DYNC2H1: variants seen among roughly 807,000 people sequenced by gnomAD.
DYNC2H1 encodes the protein dynein cytoplasmic 2 heavy chain 1.
DYNC2H1 carries 410 observed loss-of-function variants against 570.0 expected under a neutral mutation model. The ratio of observed to expected loss-of-function variants is 0.72; its 90% CI spans 0.66 to 0.78. The LOEUF (loss-of-function observed/expected upper bound fraction) is 0.78, where lower values mean the gene tolerates loss of function less well. DYNC2H1 is among the 30% of genes least tolerant of loss of function. DYNC2H1 has a pLI of 0.00. For synonymous variants in DYNC2H1, 1,688 were observed against 1,677.6 expected (o/e 1.01, Z -0.15); for missense variants, 4,865 against 5,046.4 (o/e 0.96, Z 1.09).
chr11:103,176,323 G>A lies in DYNC2H1; in HGVS notation c.5763G>A (p.Leu1921=). ...CTGATTGCACCCGGTTTGATGCACT[G>A]ATAAAAGATGTCTTTCCGGGAATTG... The part of the protein sequence containing the change: ...TFTDCTRFDA[L]IKDVFPGIEL... The change falls in exon 37 of 89, where the codon CTG becomes CTA. Residue 1921 remains leucine (L), a synonymous_variant. Transcript: ENST00000375735. 6.4e-7 allele frequency: 1 copy of A among 1,570,212 alleles called. No individual in the cohort carries two copies. Among genetic ancestry groups the A allele is most frequent in the South Asian group, 1.2e-5 (1 of 84,356 alleles).
rs1181409633 is a variant in DYNC2H1, at chr11:103,257,626, C to A, written c.10480C>A (p.Pro3494Thr). Residue 3494 changes from proline (P) to threonine (T), a missense_variant, in exon 69 of 89, where the codon CCC (proline) becomes ACC (threonine). This residue lies in a region of DYNC2H1 where 2,401 missense variants were observed against 2,454.6 expected (regional missense o/e 0.98). Coordinates refer to ENST00000375735, the MANE Select transcript of DYNC2H1 (RefSeq NM_001377.3). ...SLDQERDAYL[P>T]LAESASKMYF... ...TCCATAGGAACGGGATGCCTATCTC[C>A]CCCTGGCTGAGAGTGCCAGCAAGAT... The A allele has an allele frequency of 6.2e-7, 1 of 1,611,720 alleles. No homozygotes were observed.
intron 84 of DYNC2H1, chr11:103,402,794 C>G (rs1326685112): frequency 6.6e-6 from 1 of 152,076 alleles, no homozygotes; most frequent in Non-Finnish European, 1.5e-5. Flanking sequence ...GTTAATCACT[C>G]AACTAGTGCT....
At chr11:103,221,508 C>A (rs1218394082) in intron 57 of DYNC2H1, among the ~76,000 whole-genome samples, 1 of 152,154 alleles carries the variant, frequency 6.6e-6, no homozygotes, top group African/African-American at 2.4e-5. Context: ...CATATCATTT[C>A]TTGTTCTAGT....
At chr11:103,457,639 A>C (rs1225425912) in intron 87 of DYNC2H1, among the ~76,000 whole-genome samples, 1 of 152,206 alleles carries the variant, frequency 6.6e-6, no homozygotes, top group Non-Finnish European at 1.5e-5. Flanking sequence ...AAACATAAAC[A>C]CATTGTACAG....
rs777449199 is a variant in DYNC2H1, at chr11:103,479,273, C to G, written c.*20C>G. ...CAGTAGAATCTAATGACAACAAAAGCCATCTTCACAAAAGGGAACATTGAT... is the reference window on the plus strand; with the variant it reads ...CAGTAGAATCTAATGACAACAAAAGGCATCTTCACAAAAGGGAACATTGAT... On this transcript the variant is annotated 3_prime_UTR_variant, in exon 89 of 89. Transcript: ENST00000375735. 1 of 1,599,112 alleles carries G rather than the reference C, an allele frequency of 6.3e-7. No individual in the cohort carries two copies. The highest frequency in any genetic ancestry group is 1.3e-5 in the African/African-American group (1 of 74,616).
At position 103,244,086 on chromosome 11, in the gene DYNC2H1, T is replaced by G. The variant is rs1278941374; in HGVS notation, c.9918+295T>G. ...ATTAAAGAAGCTTTGCACTACGTTA[T>G]GACTAATGACACAAGTATAAGCTGC... is the stretch of plus-strand genomic sequence containing the variant. On this transcript the variant is annotated intron_variant, in intron 64 of 88. Transcript: ENST00000375735. The surrounding 1 kb of genome is among the most constrained non-coding windows in gnomAD (Gnocchi z 4.3). Among the ~76,000 whole-genome samples the G allele has an allele frequency of 6.6e-6, 1 of 152,160 alleles. No individual in the cohort carries two copies. Among genetic ancestry groups the G allele is most frequent in the Non-Finnish European group, 1.5e-5 (1 of 67,992 alleles).
chr11:103,324,044 A>G lies in DYNC2H1; in HGVS notation c.12039+54A>G, dbSNP rs1938347688. ...AAAAAGTTGCTAGTGAGCCTGAAGGAGACAAAATTAAACTTGATTTAGTAC... is the reference window on the plus strand; with the variant it reads ...AAAAAGTTGCTAGTGAGCCTGAAGGGGACAAAATTAAACTTGATTTAGTAC... On this transcript the variant is annotated intron_variant, in intron 82 of 88. Coordinates refer to ENST00000375735, the MANE Select transcript of DYNC2H1 (RefSeq NM_001377.3). This position sits in a 1 kb window ranked among gnomAD's most constrained non-coding sequence, Gnocchi z 5.2. 7.3e-7 allele frequency: 1 copy of G among 1,363,136 alleles called. No homozygotes were observed. Among genetic ancestry groups the G allele is most frequent in the African/African-American group, 1.5e-5 (1 of 68,342 alleles). The allele number at this position is 1,363,136 out of a possible 1,614,324, so 84.4% of individuals were successfully genotyped here.
rs185179304 is a variant in DYNC2H1, at chr11:103,140,824, C to T, written c.2575-2444C>T. Among the ~76,000 whole-genome samples the T allele has an allele frequency of 4.1e-3, 619 of 152,292 alleles. 5 individuals carry two copies. Among genetic ancestry groups the T allele is most frequent in the African/African-American group, 0.014 (576 of 41,560 alleles). ...TTTTCCAACTTGGTTCCATTCTCCC[C>T]GTCACTTTCAGGTACACCCATCAGA... On this transcript the variant is annotated intron_variant, in intron 17 of 88. Transcript: ENST00000375735.
chr11:103,284,254 T>G (rs1238017027), intron 73 of DYNC2H1, among the ~76,000 whole-genome samples: 1 of 152,208 alleles, frequency 6.6e-6, no homozygotes, highest in Non-Finnish European at 1.5e-5. Context: ...TGGCTATAAA[T>G]TTCCACTTGC....
rs1280680032 is a variant in DYNC2H1 at position 103,115,311 on chromosome 11, A to C, written c.621+16A>C. 1 of 1,513,832 alleles carries C rather than the reference A, an allele frequency of 6.6e-7. No individual in the cohort carries two copies. The highest frequency in any genetic ancestry group is 9.0e-7 in the Non-Finnish European group (1 of 1,114,020). 93.8% of individuals were successfully genotyped at this position (1,513,832 alleles called of 1,614,324 possible). A position where few individuals can be genotyped will look rare whatever the true frequency, so the allele number is the denominator to read the frequency against. Reference sequence around the variant, plus strand: ...AATTGCAAGAGTATGTGATTCATAAATGGTGATATATTGGGCTTCTTATAA... The same window carrying C: ...AATTGCAAGAGTATGTGATTCATAACTGGTGATATATTGGGCTTCTTATAA... On this transcript the variant is annotated intron_variant, in intron 4 of 88. Transcript: ENST00000375735.
intron 20 of DYNC2H1, among the ~76,000 whole-genome samples, 166 bp downstream of exon 20, chr11:103,148,783 G>A (rs1403928095): frequency 1.3e-5 from 2 of 152,168 alleles, no homozygotes; most frequent in South Asian, 2.1e-4. Flanking sequence ...TCTTGGCTGG[G>A]CCTGGTGGCT....
intron 87 of DYNC2H1, among the ~76,000 whole-genome samples, chr11:103,463,749 C>T (rs1005922474): frequency 4.6e-5 from 7 of 152,022 alleles, no homozygotes; most frequent in East Asian, 1.9e-4. Context: ...GAGACCCTGC[C>T]GCAAATAACC....
chr11:103,328,807 T>C (rs1308102835), intron 82 of DYNC2H1, among the ~76,000 whole-genome samples: 1 of 152,222 alleles, frequency 6.6e-6, no homozygotes, highest in Non-Finnish European at 1.5e-5. Flanking sequence ...CATCAGCTAA[T>C]ACACTCTTTT....
intron 87 of DYNC2H1, among the ~76,000 whole-genome samples, chr11:103,464,743 C>T (rs1204829439): frequency 6.6e-6 from 1 of 152,108 alleles, no homozygotes; most frequent in African/African-American, 2.4e-5. Context: ...CAATAAGAGA[C>T]TTTAGGAACC....
intron 87 of DYNC2H1, 36 bp from the exon 88 acceptor site, chr11:103,468,553 A>G (rs1565626286): frequency 1.5e-5 from 22 of 1,495,020 alleles, no homozygotes; most frequent in Non-Finnish European, 2.0e-5. Flanking sequence ...TGCGACTTTA[A>G]TGCATATTTT....
chr11:103,125,067 G>A, intron 11 of DYNC2H1, 33 bp from the exon 12 acceptor site: 1 of 1,535,944 alleles, frequency 6.5e-7, no homozygotes, highest in Non-Finnish European at 8.9e-7. Flanking sequence ...GTGAGAACAT[G>A]AAACTTAACA....
chr11:103,453,377 T>C (rs992413811), intron 85 of DYNC2H1, among the ~76,000 whole-genome samples: 2 of 151,986 alleles, frequency 1.3e-5, no homozygotes, highest in African/African-American at 4.8e-5. Context: ...AAAATATGCT[T>C]ATCGTTTCTG....
intron 84 of DYNC2H1, chr11:103,408,375 A>C (rs1451354732): frequency 1.3e-5 from 2 of 152,052 alleles, no homozygotes; most frequent in African/African-American, 2.4e-5. Context: ...AATTACAGGC[A>C]TATTGTTAAG....
intron 34 of DYNC2H1, among the ~76,000 whole-genome samples, chr11:103,172,103 G>A (rs1431809391): frequency 1.3e-5 from 2 of 152,154 alleles, no homozygotes; most frequent in African/African-American, 4.8e-5. Flanking sequence ...GGTAGCCCAA[G>A]AATGTAAGAC....
Sources: gnomAD v4.1 joint callset for allele counts (sites outside exome capture counted in the v4.1 genomes callset) on GRCh38, gnomAD v4.1.1 for gene constraint, gnomAD v4.1.1 regional missense constraint, Gnocchi (gnomAD v3.1) non-coding constraint, MANE v1.5 for transcripts, NCBI Gene and HGNC (gene_info 2026-07-23, HGNC 2026-07-21) for gene names.